Variants in ZNF474 observed in about 807,000 individuals in gnomAD.
The protein encoded by ZNF474 is zinc finger protein 474.
For synonymous variants in ZNF474, 192 were observed against 162.2 expected (o/e 1.18, Z -1.39); for missense variants, 511 against 433.8 (o/e 1.18, Z -1.58).
At chr5:122,149,737 T>C (rs1756113891) in intron 1 of ZNF474, among the ~76,000 whole-genome samples, 1 of 152,158 alleles carries the variant, frequency 6.6e-6, no homozygotes, top group Non-Finnish European at 1.5e-5. Context: ...TAAAATTATG[T>C]TTACAAAAAA....
intron 1 of ZNF474, among the ~76,000 whole-genome samples, chr5:122,139,906 C>T (rs909768132): frequency 6.6e-6 from 1 of 152,000 alleles, no homozygotes; most frequent in Non-Finnish European, 1.5e-5. Flanking sequence ...GAGTGGTCTT[C>T]GTAGAGAGGA....
At chr5:122,137,752 T>C (rs1376438640) in intron 1 of ZNF474, among the ~76,000 whole-genome samples, 1 of 152,168 alleles carries the variant, frequency 6.6e-6, no homozygotes, top group Non-Finnish European at 1.5e-5. Context: ...ACAGAGGGCA[T>C]TCAAGGTCAA....
At chr5:122,138,822 A>G (rs538200291) in intron 1 of ZNF474, among the ~76,000 whole-genome samples, 6 of 152,268 alleles carry the variant, frequency 3.9e-5, no homozygotes, top group South Asian at 4.1e-4. Flanking sequence ...ATGTGTCTGA[A>G]CAATTGGAAG....
intron 1 of ZNF474, among the ~76,000 whole-genome samples, chr5:122,137,782 A>C (rs1755741160): frequency 1.3e-5 from 2 of 152,306 alleles, no homozygotes; most frequent in South Asian, 4.1e-4. Context: ...TTTTATTTTG[A>C]GAGTAGTGGG....
At chr5:122,149,384 C>T (rs1756102098) in intron 1 of ZNF474, among the ~76,000 whole-genome samples, 1 of 152,216 alleles carries the variant, frequency 6.6e-6, no homozygotes, top group Non-Finnish European at 1.5e-5. Context: ...CTCTCAGAGG[C>T]TTCTCCTCTG....
Position 122,137,946 on chromosome 5 carries a change from C to T in ZNF474, c.-213+8263C>T, listed in dbSNP as rs181532327. 5.9e-5 allele frequency among the ~76,000 whole-genome samples: 9 copies of T among 152,328 alleles called. No homozygotes were observed. The East Asian group carries it at 1.5e-3, about 26-fold the overall frequency. ...ACAGCCCACAGATGCGAGGCGCACC[C>T]GTTCACCTGCCTGGCATTAGATTTA... is the stretch of plus-strand genomic sequence containing the variant. On this transcript the variant is annotated intron_variant, in intron 1 of 1. Coordinates refer to ENST00000296600, the MANE Select transcript of ZNF474 (RefSeq NM_207317.3).
chr5:122,146,486 T>A (rs10051473), intron 1 of ZNF474, among the ~76,000 whole-genome samples: 2,113 of 152,212 alleles, frequency 0.014, 47 homozygotes, highest in African/African-American at 0.045. Flanking sequence ...AGTGTATATT[T>A]AATAAGTCAA....
At chr5:122,148,409 G>A (rs774242458) in intron 1 of ZNF474, among the ~76,000 whole-genome samples, 17 of 152,222 alleles carry the variant, frequency 1.1e-4, no homozygotes, top group Non-Finnish European at 1.9e-4. Flanking sequence ...GTTTCATCGT[G>A]TTTGCTGCAG....
At chr5:122,132,588 T>C (rs898617575) in intron 1 of ZNF474, among the ~76,000 whole-genome samples, 3 of 152,146 alleles carry the variant, frequency 2.0e-5, no homozygotes, top group African/African-American at 7.2e-5. Flanking sequence ...ATTAGGATCA[T>C]AGATATTCTC....
In ZNF474 at chr5:122,152,634, C is replaced by G; in HGVS notation, c.644C>G (p.Thr215Ser). Residue 215 changes from threonine to serine, a missense_variant, in exon 2 of 2, where the codon ACC (threonine) becomes AGC (serine). By Grantham distance (58) the Thr-to-Ser change is moderately conservative. Coordinates refer to ENST00000296600, the MANE Select transcript of ZNF474 (RefSeq NM_207317.3). ...LTGLKKACSGTPARPRTVICY... is the reference protein window; with the variant it reads ...LTGLKKACSGSPARPRTVICY... ...GGCCTCAAGAAAGCTTGTAGTGGAA[C>G]CCCAGCCCGACCAAGGACTGTTATC... is the stretch of plus-strand genomic sequence containing the variant. 6.2e-7 allele frequency: 1 copy of G among 1,614,182 alleles called. No homozygotes were observed. The highest frequency in any genetic ancestry group is 8.5e-7 in the Non-Finnish European group (1 of 1,180,040).
chr5:122,151,350 T>C (rs11956605), intron 1 of ZNF474, among the ~76,000 whole-genome samples: 13,381 of 152,206 alleles, frequency 0.088, 780 homozygotes, highest in African/African-American at 0.17. Flanking sequence ...ATCTCTGACG[T>C]AGTGGAAGTT....
At chr5:122,134,683 G>C (rs1056438973) in intron 1 of ZNF474, among the ~76,000 whole-genome samples, 15 of 152,176 alleles carry the variant, frequency 9.9e-5, no homozygotes, top group Non-Finnish European at 1.5e-5. Flanking sequence ...GTTCTGATGA[G>C]ATACCTTCCA....
intron 1 of ZNF474, among the ~76,000 whole-genome samples, chr5:122,136,059 A>G (rs1380180684): frequency 1.3e-5 from 2 of 152,090 alleles, no homozygotes; most frequent in African/African-American, 4.8e-5. Flanking sequence ...AGGGAATAAG[A>G]CGTAATGTTC....
intron 1 of ZNF474, among the ~76,000 whole-genome samples, chr5:122,144,198 TA>T (rs1422482163): frequency 3.3e-5 from 5 of 152,192 alleles, no homozygotes; most frequent in African/African-American, 1.2e-4. Flanking sequence ...CCTTCCTAAA[TA>T]TTCTAAATAT....
rs769746968 is a variant in ZNF474, at chr5:122,152,670, G to C, written c.680G>C (p.Cys227Ser). The C allele has an allele frequency of 6.2e-7, 1 of 1,614,072 alleles. No individual in the cohort carries two copies. Among genetic ancestry groups the C allele is most frequent in the Admixed American group, 1.7e-5 (1 of 60,012 alleles). Residue 227 changes from cysteine (C) to serine (S), a missense_variant, in exon 2 of 2, where the codon TGT (cysteine) becomes TCT (serine). By Grantham distance (112) the Cys-to-Ser change is moderately radical. Coordinates refer to ENST00000296600, the MANE Select transcript of ZNF474 (RefSeq NM_207317.3). ...ARPRTVICYI[C>S]GKEFGTLSLP... ...CCAAGGACTGTTATCTGCTACATAT[G>C]TGGTAAGGAATTTGGCACCCTGTCC...
intron 1 of ZNF474, among the ~76,000 whole-genome samples, chr5:122,150,695 T>G (rs1272539700): frequency 6.6e-6 from 1 of 152,144 alleles, no homozygotes; most frequent in Non-Finnish European, 1.5e-5. Flanking sequence ...CACGGTAAAA[T>G]TTACTCATAA....
chr5:122,138,146 A>C (rs959309074), intron 1 of ZNF474, among the ~76,000 whole-genome samples: 2 of 152,250 alleles, frequency 1.3e-5, no homozygotes, highest in Admixed American at 6.5e-5. Flanking sequence ...CAAAGGCAGA[A>C]AATACTAAGA....
intron 1 of ZNF474, among the ~76,000 whole-genome samples, chr5:122,149,885 C>CTGTGTGTGTGTGTGTG (rs35051222): frequency 2.1e-5 from 3 of 141,482 alleles, no homozygotes; most frequent in African/African-American, 8.1e-5. Context: ...AGAATTGACT[C>CTGTGTGTGTGTGTGTG]TGTGTGTGTG....
At chr5:122,135,127 T>C (rs1324908593) in intron 1 of ZNF474, among the ~76,000 whole-genome samples, 4 of 152,078 alleles carry the variant, frequency 2.6e-5, no homozygotes, top group Non-Finnish European at 4.4e-5. Context: ...TCAGATAATA[T>C]AAGGAGCCCA....
Sources: allele counts gnomAD v4.1 joint callset (sites outside exome capture counted in the v4.1 genomes callset), GRCh38; gene constraint gnomAD v4.1.1; transcripts MANE v1.5; gene names NCBI Gene and HGNC (gene_info 2026-07-23, HGNC 2026-07-21).